Variants in ITSN1 observed in about 807,000 individuals in gnomAD.
ITSN1 encodes intersectin 1.
A neutral mutation model predicts 239.8 loss-of-function variants in ITSN1; 58 were observed. The observed-to-expected ratio is 0.24, with a 90% CI of 0.20 to 0.30. The LOEUF (loss-of-function observed/expected upper bound fraction) is 0.30. Among genes scored for constraint, ITSN1 ranks in the 10% least tolerant of loss-of-function variants. The pLI, the probability that ITSN1 is intolerant of heterozygous loss-of-function variation, is 1.00. For missense variants in ITSN1, 1,558 were observed against 2,103.3 expected (o/e 0.74, Z 5.07); for synonymous variants, 780 against 770.8 (o/e 1.01, Z -0.20).
intron 27 of ITSN1, among the ~76,000 whole-genome samples, chr21:33,833,292 C>T (rs1478279916): frequency 2.0e-5 from 3 of 151,990 alleles, no homozygotes; most frequent in East Asian, 3.9e-4. Flanking sequence ...AAAGGAATGG[C>T]GGTGAAAAAT....
chr21:33,865,421 C>A lies in ITSN1; in HGVS notation c.4074+87C>A. 2 of 1,142,036 alleles carry A rather than the reference C, an allele frequency of 1.8e-6. No individual in the cohort carries two copies. Among genetic ancestry groups the A allele is most frequent in the Non-Finnish European group, 2.4e-6 (2 of 822,540 alleles). The allele number at this position is 1,142,036 out of a possible 1,614,324, so 70.7% of individuals were successfully genotyped here. A position where few individuals can be genotyped will look rare whatever the true frequency, so the allele number is the denominator to read the frequency against. ...TGTGAGGGGCTAATTCAAAAGTCTG[C>A]AAGAGTGTTCCCACTAGAGGCCAAC... is the stretch of plus-strand genomic sequence containing the variant. On this transcript the variant is annotated intron_variant, in intron 32 of 39. Coordinates refer to ENST00000381318, the MANE Select transcript of ITSN1 (RefSeq NM_003024.3). This position sits in a 1 kb window ranked among gnomAD's most constrained non-coding sequence, Gnocchi z 4.4.
intron 1 of ITSN1, among the ~76,000 whole-genome samples, chr21:33,718,064 C>A (rs1263520880): frequency 1.3e-5 from 2 of 152,162 alleles, no homozygotes; most frequent in African/African-American, 4.8e-5. Flanking sequence ...AGCGTTTGGT[C>A]ACCAAACGAA....
At chr21:33,782,223 A>AT in intron 16 of ITSN1, 90 bp downstream of exon 16, 2 of 1,216,818 alleles carry the variant, frequency 1.6e-6, no homozygotes, top group Non-Finnish European at 2.4e-6. Flanking sequence ...CACAGGCAGA[A>AT]AAATTTATTA....
At chr21:33,685,616 TAAAAAAA>T (rs933917476) in intron 1 of ITSN1, among the ~76,000 whole-genome samples, 6 of 109,304 alleles carry the variant, frequency 5.5e-5, no homozygotes, top group South Asian at 2.9e-4. Context: ...CCTTTTTGAG[TAAAAAAA>T]AAAAAAAAAA....
rs1210957816 is a variant in ITSN1, at chr21:33,794,364, G to A, written c.1848G>A (p.Lys616=). Residue 616 remains lysine (K), a synonymous_variant, in exon 17 of 40, where the codon AAG becomes AAA. Transcript: ENST00000381318. ...AGGAACTAAGAGAAATACACAATAAGCAACAACTCCAGAAGCAAAAGTCCA... is the reference window on the plus strand; with the variant it reads ...AGGAACTAAGAGAAATACACAATAAACAACAACTCCAGAAGCAAAAGTCCA... ...QLKELREIHN[K]QQLQKQKSME... 2.5e-6 allele frequency: 4 copies of A among 1,613,532 alleles called. No homozygotes were observed. In the South Asian group the frequency reaches 3.3e-5, roughly 13 times the overall value.
In ITSN1 at chr21:33,811,238, C is replaced by T; in HGVS notation, c.2567+16C>T. 6.5e-7 allele frequency: 1 copy of T among 1,545,584 alleles called. No homozygotes were observed. Among genetic ancestry groups the T allele is most frequent in the Non-Finnish European group, 8.7e-7 (1 of 1,148,724 alleles). ...TCAGCTCCACGTACGTGTTGGTGGG[C>T]TCTTTCTGATGATTTTTGAAATCCC... On this transcript the variant is annotated intron_variant, in intron 21 of 39. Transcript: ENST00000381318.
chr21:33,695,802 AT>A (rs2091769158), intron 1 of ITSN1, among the ~76,000 whole-genome samples: 3 of 152,232 alleles, frequency 2.0e-5, no homozygotes, highest in African/African-American at 4.8e-5. Context: ...GTGCAGCCAG[AT>A]CCATGTAAAG....
At chr21:33,857,039 A>G (rs1248246226) in intron 30 of ITSN1, among the ~76,000 whole-genome samples, 182 bp downstream of exon 30, 1 of 152,192 alleles carries the variant, frequency 6.6e-6, no homozygotes, top group African/African-American at 2.4e-5. Flanking sequence ...TTGCTTATCC[A>G]TGGCCAACAT....
intron 31 of ITSN1, among the ~76,000 whole-genome samples, chr21:33,859,876 G>A (rs149455951): frequency 0.043 from 6,512 of 152,194 alleles, 196 homozygotes; most frequent in Non-Finnish European, 0.063. Flanking sequence ...CGTTGCCCGC[G>A]CCCCCTGCCA....
chr21:33,884,908 A>AT, intron 36 of ITSN1, 133 bp from the exon 37 acceptor site: 1 of 672,202 alleles, frequency 1.5e-6, no homozygotes, highest in African/African-American at 1.8e-5. Flanking sequence ...ATAAAATCAG[A>AT]TTTTCTTTCC....
intron 12 of ITSN1, among the ~76,000 whole-genome samples, chr21:33,774,135 T>C (rs1241438588): frequency 3.3e-5 from 5 of 152,196 alleles, no homozygotes; most frequent in South Asian, 4.1e-4. Flanking sequence ...TCAGGTGTAG[T>C]TGGATGACCC....
chr21:33,852,228 C>A (rs1410271277), intron 29 of ITSN1, among the ~76,000 whole-genome samples: 1 of 152,148 alleles, frequency 6.6e-6, no homozygotes, highest in Admixed American at 6.5e-5. Context: ...TTATGGACCA[C>A]CTTATTGCAT....
At chr21:33,781,137 T>C (rs909971295) in intron 14 of ITSN1, among the ~76,000 whole-genome samples, 4 of 152,218 alleles carry the variant, frequency 2.6e-5, no homozygotes, top group Non-Finnish European at 5.9e-5. Context: ...TTGATCCCGG[T>C]GCCATTGGAA....
At chr21:33,817,098 T>C (rs1196374868) in intron 22 of ITSN1, 1 of 1,102,884 alleles carries the variant, frequency 9.1e-7, no homozygotes, top group African/African-American at 1.6e-5. Context: ...CTCTAGGCAT[T>C]ATCTTTTGTT....
At chr21:33,754,006 G>GT (rs1278929951) in intron 7 of ITSN1, among the ~76,000 whole-genome samples, 2 of 152,150 alleles carry the variant, frequency 1.3e-5, no homozygotes, top group Non-Finnish European at 2.9e-5. Context: ...ATCTTCATGA[G>GT]TTTTTAGTCT....
At chr21:33,773,000 CTTTT>C (rs768551303) in intron 12 of ITSN1, among the ~76,000 whole-genome samples, 1 of 133,054 alleles carries the variant, frequency 7.5e-6, no homozygotes. Context: ...CTGCAATCTT[CTTTT>C]TTTTTTTTTT....
chr21:33,766,067 C>T (rs1208738109), intron 10 of ITSN1, 55 bp downstream of exon 10: 2 of 1,594,632 alleles, frequency 1.3e-6, no homozygotes, highest in Non-Finnish European at 1.7e-6. Flanking sequence ...GAATTCCAAA[C>T]TTGGCTTTAT....
At chr21:33,787,109 A>G (rs1431093571) in intron 16 of ITSN1, among the ~76,000 whole-genome samples, 2 of 152,140 alleles carry the variant, frequency 1.3e-5, no homozygotes, top group Non-Finnish European at 1.5e-5. Context: ...ATTCTTTCCT[A>G]TTGACGAGTT....
chr21:33,700,732 T>C (rs548185128), intron 1 of ITSN1, among the ~76,000 whole-genome samples: 108 of 152,230 alleles, frequency 7.1e-4, no homozygotes, highest in Admixed American at 1.4e-3. Flanking sequence ...ATTTTGCCTG[T>C]CACTAATTGT....
Sources: gnomAD v4.1 joint callset for allele counts (sites outside exome capture counted in the v4.1 genomes callset) on GRCh38, gnomAD v4.1.1 for gene constraint, Gnocchi (gnomAD v3.1) non-coding constraint, MANE v1.5 for transcripts, NCBI Gene and HGNC (gene_info 2026-07-23, HGNC 2026-07-21) for gene names.